The following KHDRBS3 variants were observed in gnomAD, a reference collection of about 807,000 sequenced individuals.
The protein encoded by KHDRBS3 is KH RNA binding domain containing, signal transduction associated 3, also known as KH domain-containing, RNA-binding, signal transduction-associated protein 3.
KHDRBS3 carries 23 observed loss-of-function variants against 45.6 expected under a neutral mutation model. That is an observed-to-expected ratio of 0.50 (90% CI 0.36 to 0.72). KHDRBS3 has a LOEUF of 0.72. Ranked by LOEUF, KHDRBS3 falls within the 30% of genes least tolerant of loss-of-function variation. The pLI is 0.00. For synonymous variants in KHDRBS3, 162 were observed against 156.5 expected (o/e 1.04, Z -0.26); for missense variants, 352 against 424.8 (o/e 0.83, Z 1.51).
At chr8:135,544,465 T>C (rs1563756974) in intron 3 of KHDRBS3, among the ~76,000 whole-genome samples, 1 of 152,182 alleles carries the variant, frequency 6.6e-6, no homozygotes, top group Non-Finnish European at 1.5e-5. Context: ...GATATTGTCA[T>C]ATCAAGGCTG....
chr8:135,649,579 T>C (rs966801705), downstream of KHDRBS3, among the ~76,000 whole-genome samples: 5 of 152,186 alleles, frequency 3.3e-5, no homozygotes, highest in African/African-American at 1.2e-4. Flanking sequence ...TTATTGTATT[T>C]TCTGTTTGTT....
rs564246137 is a variant in KHDRBS3, at chr8:135,597,580, T to C, written c.808-9375T>C. ...CCTCCCCAACACTCTCATTATCTTA[T>C]ATACCATATATTTTGCTTGGTTTTG... On this transcript the variant is annotated intron_variant, in intron 6 of 8. Coordinates refer to ENST00000355849, the MANE Select transcript of KHDRBS3 (RefSeq NM_006558.3). Among the ~76,000 whole-genome samples the C allele has an allele frequency of 2.0e-5, 3 of 152,220 alleles. No homozygotes were observed. In the South Asian group the frequency reaches 6.2e-4, roughly 32 times the overall value.
chr8:135,621,829 A>T (rs1334491530), intron 7 of KHDRBS3, among the ~76,000 whole-genome samples: 1 of 152,278 alleles, frequency 6.6e-6, no homozygotes, highest in South Asian at 2.1e-4. Flanking sequence ...AAGTGTCTAT[A>T]GAAAGATCCA....
intron 6 of KHDRBS3, among the ~76,000 whole-genome samples, chr8:135,594,299 G>C (rs945987937): frequency 5.3e-5 from 8 of 152,308 alleles, no homozygotes; most frequent in African/African-American, 1.9e-4. Context: ...CATTATCCTG[G>C]AGGGTTCACT....
chr8:135,503,243 A>C (rs1823822664), intron 1 of KHDRBS3, among the ~76,000 whole-genome samples: 1 of 152,228 alleles, frequency 6.6e-6, no homozygotes, highest in Admixed American at 6.5e-5. Flanking sequence ...TTCCAGAAGT[A>C]CATTTTTCTG....
downstream of KHDRBS3, among the ~76,000 whole-genome samples, chr8:135,652,419 G>C (rs1019970597): frequency 3.9e-5 from 6 of 152,186 alleles, no homozygotes; most frequent in Non-Finnish European, 1.5e-5. Flanking sequence ...CAGCCTCCTT[G>C]GCTCTGAACC....
At chr8:135,563,956 A>G (rs1827284230) in intron 5 of KHDRBS3, among the ~76,000 whole-genome samples, 1 of 152,178 alleles carries the variant, frequency 6.6e-6, no homozygotes, top group Non-Finnish European at 1.5e-5. Context: ...CCCTCTTTTT[A>G]AGTATTAAGT....
chr8:135,622,571 T>G (rs1259674590), intron 7 of KHDRBS3, among the ~76,000 whole-genome samples: 1 of 152,230 alleles, frequency 6.6e-6, no homozygotes, highest in African/African-American at 2.4e-5. Flanking sequence ...AGTGTTTTCC[T>G]AAAGAGTAAT....
intron 7 of KHDRBS3, among the ~76,000 whole-genome samples, chr8:135,638,533 A>G (rs1358977446): frequency 2.0e-5 from 3 of 152,214 alleles, no homozygotes; most frequent in Non-Finnish European, 4.4e-5. Context: ...GAAAACTAAC[A>G]CCTTGAATAA....
At position 135,626,469 on chromosome 8, in the gene KHDRBS3, C is replaced by A. The variant is rs547616167; in HGVS notation, c.891-18590C>A. Among the ~76,000 whole-genome samples the A allele has an allele frequency of 5.2e-4, 79 of 152,304 alleles. 1 individual carries two copies. Among genetic ancestry groups the A allele is most frequent in the Non-Finnish European group, 2.8e-4 (19 of 68,028 alleles). ...GCTGCACGCCTGGCCATTGCTGAAG[C>A]TTCCTGGCATGGTGGACTTGGGTGT... On this transcript the variant is annotated intron_variant, in intron 7 of 8. Transcript: ENST00000355849.
chr8:135,493,786 A>G (rs778702423), intron 1 of KHDRBS3, among the ~76,000 whole-genome samples: 7 of 152,308 alleles, frequency 4.6e-5, no homozygotes, highest in Admixed American at 6.5e-5. Flanking sequence ...GTATTAGGCT[A>G]ATAAAATGAG....
chr8:135,616,341 G>T (rs1241894359), intron 7 of KHDRBS3, among the ~76,000 whole-genome samples: 1 of 152,122 alleles, frequency 6.6e-6, no homozygotes, highest in Non-Finnish European at 1.5e-5. Flanking sequence ...AAAAAATTAG[G>T]TTCCTATAAA....
At chr8:135,545,293 G>A (rs1412968236) in intron 3 of KHDRBS3, among the ~76,000 whole-genome samples, 1 of 152,100 alleles carries the variant, frequency 6.6e-6, no homozygotes, top group Non-Finnish European at 1.5e-5. Flanking sequence ...AGTGAAGCAT[G>A]AGAATTGTCA....
intron 5 of KHDRBS3, among the ~76,000 whole-genome samples, chr8:135,560,083 T>C (rs1827095200): frequency 6.6e-6 from 1 of 152,068 alleles, no homozygotes. Context: ...AAGAGAAACA[T>C]AAGTCTCCCA....
chr8:135,595,524 C>T (rs1828935878), intron 6 of KHDRBS3, among the ~76,000 whole-genome samples: 1 of 152,184 alleles, frequency 6.6e-6, no homozygotes, highest in African/African-American at 2.4e-5. Context: ...GAAGGTTACT[C>T]AGTAAGTCTA....
chr8:135,530,566 A>G (rs1825422282), intron 2 of KHDRBS3, among the ~76,000 whole-genome samples: 1 of 152,146 alleles, frequency 6.6e-6, no homozygotes, highest in Admixed American at 6.5e-5. Flanking sequence ...TGGGTGCATC[A>G]CCTGTGTCTG....
intron 6 of KHDRBS3, among the ~76,000 whole-genome samples, chr8:135,604,954 A>G (rs1228777427): frequency 6.6e-6 from 1 of 151,254 alleles, no homozygotes; most frequent in Non-Finnish European, 1.5e-5. Context: ...ACTTGTTAAT[A>G]TGGCTTCCTA....
At chr8:135,479,721 C>T (rs867203754) in intron 1 of KHDRBS3, among the ~76,000 whole-genome samples, 3 of 152,310 alleles carry the variant, frequency 2.0e-5, no homozygotes, top group South Asian at 2.1e-4. Context: ...GACCCTACCT[C>T]TTTATACCAT....
intron 5 of KHDRBS3, among the ~76,000 whole-genome samples, chr8:135,561,691 T>A (rs1010026639): frequency 2.6e-5 from 4 of 152,022 alleles, no homozygotes; most frequent in African/African-American, 9.7e-5. Flanking sequence ...ACATTTTTGG[T>A]CAAGGACGGA....
Sources: allele counts gnomAD v4.1 joint callset (sites outside exome capture counted in the v4.1 genomes callset), GRCh38; gene constraint gnomAD v4.1.1; transcripts MANE v1.5; gene names NCBI Gene and HGNC (gene_info 2026-07-23, HGNC 2026-07-21).